The following PIGU variants were observed in gnomAD, a reference collection of about 807,000 sequenced individuals.
PIGU encodes the protein phosphatidylinositol glycan anchor biosynthesis class U, also known as GPI-anchor transamidase component PIGU.
Under a neutral mutation model 49.9 loss-of-function variants are expected in PIGU, and 24 were observed. The ratio of observed to expected loss-of-function variants is 0.48; its 90% CI spans 0.35 to 0.68. The LOEUF is 0.68. PIGU is among the 30% of genes least tolerant of loss of function. PIGU has a pLI of 0.01. For synonymous variants in PIGU, 220 were observed against 205.7 expected, an observed-to-expected ratio of 1.07 and a Z score of -0.59; for missense variants, 490 against 532.6, an observed-to-expected ratio of 0.92 and a Z score of 0.79.
chr20:34,676,396 A>C, intron 1 of PIGU, among the ~76,000 whole-genome samples: 1 of 152,344 alleles, frequency 6.6e-6, no homozygotes, highest in Middle Eastern at 3.4e-3. Context: ...TTCTCGCTGT[A>C]GGCGTTAGTA....
chr20:34,575,366 C>A, intron 10 of PIGU, 120 bp from the exon 11 acceptor site: 6 of 1,256,248 alleles, frequency 4.8e-6, no homozygotes, highest in Non-Finnish European at 5.4e-6. Flanking sequence ...AAAGGCAGAG[C>A]ACCCCCAGAG....
At chr20:34,606,854 C>T (rs1412161139) in intron 7 of PIGU, among the ~76,000 whole-genome samples, 4 of 152,160 alleles carry the variant, frequency 2.6e-5, no homozygotes, top group Non-Finnish European at 5.9e-5. Context: ...CTCCGTCTCC[C>T]GGGTTCAAGC....
intron 2 of PIGU, among the ~76,000 whole-genome samples, chr20:34,650,898 G>C (rs1986523634): frequency 1.3e-5 from 2 of 150,860 alleles, no homozygotes; most frequent in Admixed American, 1.3e-4. Context: ...ATTTTTAGTA[G>C]AGACAGCGTT....
chr20:34,668,483 A>AAAAGGG (rs1412365978), intron 1 of PIGU, among the ~76,000 whole-genome samples: 5 of 88,718 alleles, frequency 5.6e-5, no homozygotes, highest in African/African-American at 1.1e-4. Flanking sequence ...AAAAAAAAAA[A>AAAAGGG]GGGGGGGGCG....
chr20:34,675,323 A>T (rs896745242), intron 1 of PIGU, among the ~76,000 whole-genome samples: 28 of 152,164 alleles, frequency 1.8e-4, no homozygotes, highest in African/African-American at 6.5e-4. Flanking sequence ...TTATGAGATA[A>T]GAAATGCTCT....
At chr20:34,601,277 C>T (rs1389894540) in intron 7 of PIGU, among the ~76,000 whole-genome samples, 1 of 152,074 alleles carries the variant, frequency 6.6e-6, no homozygotes, top group Non-Finnish European at 1.5e-5. Flanking sequence ...GTTTTGAAGA[C>T]ATGGTTTTGG....
chr20:34,570,423 A>ATTTTTAT (rs1555794828), intron 11 of PIGU, among the ~76,000 whole-genome samples: 50 of 149,590 alleles, frequency 3.3e-4, no homozygotes, highest in Admixed American at 2.6e-3. Flanking sequence ...ATTTATTTTT[A>ATTTTTAT]TTTTTTTTTG....
chr20:34,603,881 C>T (rs1165235917), intron 7 of PIGU, among the ~76,000 whole-genome samples: 1 of 152,010 alleles, frequency 6.6e-6, no homozygotes, highest in Non-Finnish European at 1.5e-5. Context: ...CACACACACA[C>T]ACACACACCA....
At chr20:34,676,862 CCG>C in intron 1 of PIGU, 92 bp downstream of exon 1, 1 of 1,430,850 alleles carries the variant, frequency 7.0e-7, no homozygotes, top group Non-Finnish European at 9.4e-7. Flanking sequence ...TCTCTAGGAA[CCG>C]CGCGCTGGCG....
At chr20:34,603,130 C>T (rs1432751614) in intron 7 of PIGU, among the ~76,000 whole-genome samples, 1 of 151,334 alleles carries the variant, frequency 6.6e-6, no homozygotes, top group Non-Finnish European at 1.5e-5. Flanking sequence ...AATTATGTAC[C>T]TTGTTTTCAG....
At chr20:34,564,644 C>T (rs1053424164) in intron 11 of PIGU, among the ~76,000 whole-genome samples, 1 of 152,188 alleles carries the variant, frequency 6.6e-6, no homozygotes, top group Non-Finnish European at 1.5e-5. Flanking sequence ...GAAAATGATA[C>T]ACATGCTGAA....
rs368265843 is a variant in PIGU, at chr20:34,581,531, G to T, written c.1051+17C>A. 7 of 1,605,158 alleles carry T rather than the reference G, an allele frequency of 4.4e-6. No homozygotes were observed. Among genetic ancestry groups the T allele is most frequent in the Non-Finnish European group, 6.0e-6 (7 of 1,175,100 alleles). ...CCCAGGCTGACACAAATCTGTGGCAGAGGCGGGAGTACTCACATCTGTAGA... is the reference window on the plus strand; with the variant it reads ...CCCAGGCTGACACAAATCTGTGGCATAGGCGGGAGTACTCACATCTGTAGA... On this transcript the variant is annotated intron_variant, in intron 10 of 11. Coordinates refer to ENST00000217446, the MANE Select transcript of PIGU (RefSeq NM_080476.5).
chr20:34,568,201 C>T (rs1982857717), intron 11 of PIGU, among the ~76,000 whole-genome samples: 1 of 152,208 alleles, frequency 6.6e-6, no homozygotes. Context: ...TTCCAGAGCC[C>T]TGGCCTTCTG....
intron 11 of PIGU, among the ~76,000 whole-genome samples, chr20:34,569,811 GTCAC>G: frequency 6.6e-6 from 1 of 152,308 alleles, no homozygotes; most frequent in South Asian, 2.1e-4. Flanking sequence ...TCAATAAGTA[GTCAC>G]TGAATATTCT....
At chr20:34,574,613 G>A (rs532897518) in intron 11 of PIGU, among the ~76,000 whole-genome samples, 1 of 151,998 alleles carries the variant, frequency 6.6e-6, no homozygotes, top group Non-Finnish European at 1.5e-5. Flanking sequence ...CTTCTCCTCT[G>A]CCTGCCTTTG....
At chr20:34,568,261 TG>T (rs1285870770) in intron 11 of PIGU, among the ~76,000 whole-genome samples, 2 of 152,122 alleles carry the variant, frequency 1.3e-5, no homozygotes, top group Non-Finnish European at 2.9e-5. Flanking sequence ...TCACTCTGGT[TG>T]TTGGGGAGGA....
chr20:34,650,570 A>AT (rs1251090545), intron 2 of PIGU, among the ~76,000 whole-genome samples: 2 of 152,032 alleles, frequency 1.3e-5, no homozygotes, highest in Non-Finnish European at 2.9e-5. Flanking sequence ...CATCCGGCTG[A>AT]TCACAGCTAT....
chr20:34,669,494 C>T (rs968073913), intron 1 of PIGU, among the ~76,000 whole-genome samples: 2 of 151,884 alleles, frequency 1.3e-5, no homozygotes, highest in African/African-American at 4.8e-5. Context: ...TGGTGAAACC[C>T]TATCTCTACC....
At chr20:34,650,732 G>GTTTTTTTTTTTTTTTTTTTTTTTTTTC in intron 2 of PIGU, among the ~76,000 whole-genome samples, 1 of 15,556 alleles carries the variant, frequency 6.4e-5, no homozygotes, top group African/African-American at 2.7e-4. Context: ...TTTTTTTTTT[G>GTTTTTTTTTTTTTTTTTTTTTTTTTTC]AGAAGGAGTC....
Sources: gnomAD v4.1 joint callset for allele counts (sites outside exome capture counted in the v4.1 genomes callset) on GRCh38, gnomAD v4.1.1 for gene constraint, MANE v1.5 for transcripts, NCBI Gene and HGNC (gene_info 2026-07-23, HGNC 2026-07-21) for gene names.